Variants in NT5DC1 observed in about 807,000 individuals in gnomAD.
NT5DC1 encodes the protein 5'-nucleotidase domain-containing protein 1.
A neutral mutation model predicts 59.4 loss-of-function variants in NT5DC1; 42 were observed. The ratio of observed to expected loss-of-function variants is 0.71; its 90% CI spans 0.55 to 0.92. The LOEUF is 0.92. Ranked by LOEUF, NT5DC1 falls within the 40% of genes least tolerant of loss-of-function variation. The pLI, the probability that NT5DC1 is intolerant of heterozygous loss-of-function variation, is 0.00. For missense variants in NT5DC1, 501 were observed against 537.1 expected, an observed-to-expected ratio of 0.93 and a Z score of 0.66; for synonymous variants, 172 against 188.1, an observed-to-expected ratio of 0.91 and a Z score of 0.70.
At chr6:116,168,907 C>A (rs762873798) in intron 6 of NT5DC1, among the ~76,000 whole-genome samples, 1 of 152,084 alleles carries the variant, frequency 6.6e-6, no homozygotes, top group African/African-American at 2.4e-5. Flanking sequence ...TGCTTCAGGC[C>A]ATTGAGAGCT....
At chr6:116,191,762 T>A (rs1781121943) in intron 6 of NT5DC1, among the ~76,000 whole-genome samples, 1 of 152,082 alleles carries the variant, frequency 6.6e-6, no homozygotes, top group Non-Finnish European at 1.5e-5. Context: ...GTGTTTCTCC[T>A]AATACTTCAA....
At chr6:116,194,653 T>C (rs1582866477) in intron 6 of NT5DC1, among the ~76,000 whole-genome samples, 1 of 152,160 alleles carries the variant, frequency 6.6e-6, no homozygotes, top group African/African-American at 2.4e-5. Context: ...TATTTCTTAA[T>C]GGGAAGTCAG....
chr6:116,190,902 T>C (rs1322848745), intron 6 of NT5DC1, among the ~76,000 whole-genome samples: 1 of 151,986 alleles, frequency 6.6e-6, no homozygotes, highest in Non-Finnish European at 1.5e-5. Flanking sequence ...TCATTAGTGG[T>C]TACCCCTGTT....
chr6:116,228,511 A>G (rs941286473), intron 8 of NT5DC1, among the ~76,000 whole-genome samples: 10 of 151,390 alleles, frequency 6.6e-5, no homozygotes, highest in African/African-American at 2.4e-4. Flanking sequence ...TCCGACTCAA[A>G]AAAAAAAAGA....
At chr6:116,157,615 C>T (rs1399474892) in intron 6 of NT5DC1, among the ~76,000 whole-genome samples, 4 of 152,104 alleles carry the variant, frequency 2.6e-5, no homozygotes, top group African/African-American at 9.7e-5. Flanking sequence ...TAGACCATAA[C>T]AAAAAATTAC....
At chr6:116,155,962 G>T (rs1470675095) in intron 6 of NT5DC1, among the ~76,000 whole-genome samples, 1 of 152,058 alleles carries the variant, frequency 6.6e-6, no homozygotes, top group African/African-American at 2.4e-5. Context: ...AGGCTTTAGG[G>T]TTGGGAATGG....
At chr6:116,214,382 C>G (rs985865067) in intron 6 of NT5DC1, among the ~76,000 whole-genome samples, 1 of 152,076 alleles carries the variant, frequency 6.6e-6, no homozygotes, top group Non-Finnish European at 1.5e-5. Flanking sequence ...CAGATTTGAG[C>G]ATTTTTATCA....
At chr6:116,156,339 T>TCAAC (rs940787173) in intron 6 of NT5DC1, among the ~76,000 whole-genome samples, 14 of 152,092 alleles carry the variant, frequency 9.2e-5, no homozygotes, top group African/African-American at 3.4e-4. Context: ...TAGATCTCAT[T>TCAAC]CAACTAGTTG....
rs376476257 is a variant in NT5DC1, at chr6:116,248,249, C to A, written c.*4225C>A. 1 of 152,128 alleles carries A rather than the reference C, an allele frequency of 6.6e-6. No homozygotes were observed. The allele number at this position is 152,128 out of a possible 1,614,324, so 9.4% of individuals were successfully genotyped here. A position where few individuals can be genotyped will look rare whatever the true frequency, so the allele number is the denominator to read the frequency against. Reference sequence around the variant, plus strand: ...TCTACTTTCTGGACCTCTGTTTTCTCAACTATTTAAATGGAAATAATAAAA... The same window carrying A: ...TCTACTTTCTGGACCTCTGTTTTCTAAACTATTTAAATGGAAATAATAAAA... On this transcript the variant is annotated 3_prime_UTR_variant, in exon 12 of 12. Transcript: ENST00000319550.
intron 6 of NT5DC1, chr6:116,137,386 A>G (rs1335386268): frequency 1.9e-5 from 3 of 157,264 alleles, no homozygotes; most frequent in African/African-American, 7.2e-5. Context: ...TTTCTGAAGC[A>G]GGTCACAGGG....
At chr6:116,130,058 A>G (rs1295807183) in intron 6 of NT5DC1, among the ~76,000 whole-genome samples, 2 of 152,160 alleles carry the variant, frequency 1.3e-5, no homozygotes, top group East Asian at 1.9e-4. Context: ...GTAATTGCCT[A>G]CAGTCAATAT....
At chr6:116,149,650 G>T (rs151283391) in intron 6 of NT5DC1, among the ~76,000 whole-genome samples, 1 of 152,288 alleles carries the variant, frequency 6.6e-6, no homozygotes, top group East Asian at 1.9e-4. Flanking sequence ...CCAAATGCCT[G>T]GTGGAGACAC....
intron 2 of NT5DC1, among the ~76,000 whole-genome samples, chr6:116,107,746 G>A (rs572168233): frequency 6.6e-6 from 1 of 151,830 alleles, no homozygotes; most frequent in South Asian, 2.1e-4. Flanking sequence ...CTAATTTTTT[G>A]TATTTTTAAT....
chr6:116,146,696 T>A (rs1479115294), intron 6 of NT5DC1, among the ~76,000 whole-genome samples: 2 of 152,154 alleles, frequency 1.3e-5, no homozygotes, highest in Non-Finnish European at 2.9e-5. Flanking sequence ...TAAATCTTTT[T>A]GATCTACATT....
At chr6:116,219,734 T>C (rs1781756180) in intron 6 of NT5DC1, among the ~76,000 whole-genome samples, 1 of 151,816 alleles carries the variant, frequency 6.6e-6, no homozygotes, top group African/African-American at 2.4e-5. Flanking sequence ...AGTGGGCGGA[T>C]TGTGAGGTCA....
At chr6:116,204,442 C>T (rs1204850) in intron 6 of NT5DC1, among the ~76,000 whole-genome samples, 143,467 of 152,030 alleles carry the variant, frequency 0.94, 67,801 homozygotes, top group East Asian at 1. Flanking sequence ...CTTAGTATAT[C>T]AGCAAAAATT....
Position 116,121,830 on chromosome 6 carries a change from A to G in NT5DC1, c.529+3885A>G, listed in dbSNP as rs768556259. The G allele has an allele frequency of 3.7e-6, 6 of 1,612,650 alleles. No individual in the cohort carries two copies. The Admixed American group carries it at 8.3e-5, about 22-fold the overall frequency. ...GCTGATGGTCCCGGTGGTCCTGGCA[A>G]CCCTGGCTCTCCTTGGAGTCCAGGA... On this transcript the variant is annotated intron_variant, in intron 6 of 11. Coordinates refer to ENST00000319550, the MANE Select transcript of NT5DC1 (RefSeq NM_152729.3).
At chr6:116,205,077 C>G (rs1203394150) in intron 6 of NT5DC1, among the ~76,000 whole-genome samples, 13 of 151,874 alleles carry the variant, frequency 8.6e-5, no homozygotes, top group Non-Finnish European at 1.9e-4. Flanking sequence ...CAGAAGTGTC[C>G]AAGCAAATAA....
intron 9 of NT5DC1, 39 bp downstream of exon 9, chr6:116,237,123 G>T: frequency 1.8e-6 from 2 of 1,096,932 alleles, no homozygotes; most frequent in Non-Finnish European, 2.8e-6. Flanking sequence ...GTGCCCACTT[G>T]CAGACATAAG....
Sources: gnomAD v4.1 joint callset for allele counts (sites outside exome capture counted in the v4.1 genomes callset) on GRCh38, gnomAD v4.1.1 for gene constraint, MANE v1.5 for transcripts, NCBI Gene and HGNC (gene_info 2026-07-23, HGNC 2026-07-21) for gene names.